The following LDB2 variants were observed in gnomAD, a reference collection of about 807,000 sequenced individuals.
LDB2 encodes LIM domain binding 2.
A neutral mutation model predicts 44.3 loss-of-function variants in LDB2; 12 were observed. The observed-to-expected ratio is 0.27, with a 90% CI of 0.17 to 0.44. LDB2 has a LOEUF of 0.44. Ranked by LOEUF, LDB2 falls within the 20% of genes least tolerant of loss-of-function variation. The pLI is 1.00. For missense variants in LDB2, 344 were observed against 473.5 expected, an observed-to-expected ratio of 0.73 and a Z score of 2.54; for synonymous variants, 164 against 174.8, an observed-to-expected ratio of 0.94 and a Z score of 0.49.
intron 2 of LDB2, among the ~76,000 whole-genome samples, chr4:16,668,864 C>T (rs1744009121): frequency 6.6e-6 from 1 of 152,184 alleles, no homozygotes. Flanking sequence ...AAGGGTGACT[C>T]CCCCAGTGCT....
chr4:16,660,034 T>A (rs934755082), intron 2 of LDB2, among the ~76,000 whole-genome samples: 1 of 152,154 alleles, frequency 6.6e-6, no homozygotes, highest in African/African-American at 2.4e-5. Context: ...TAGCAATGTC[T>A]GGAGACATTT....
At chr4:16,768,019 C>T (rs527938300) in intron 1 of LDB2, among the ~76,000 whole-genome samples, 2 of 152,270 alleles carry the variant, frequency 1.3e-5, no homozygotes, top group South Asian at 4.2e-4. Context: ...GCCAGGGCTG[C>T]CCCTCGGCAT....
At chr4:16,541,800 T>C (rs1393141666) in intron 5 of LDB2, among the ~76,000 whole-genome samples, 3 of 152,180 alleles carry the variant, frequency 2.0e-5, no homozygotes, top group Non-Finnish European at 4.4e-5. Flanking sequence ...TTGGCTACCA[T>C]GCATGACAGC....
At position 16,588,744 on chromosome 4, in the gene LDB2, C is replaced by A. The variant is rs142034467; in HGVS notation, c.497G>T (p.Arg166Leu). The A allele has an allele frequency of 1.2e-6, 2 of 1,613,682 alleles. No homozygotes were observed. The highest frequency in any genetic ancestry group is 1.3e-5 in the African/African-American group (1 of 75,022). Residue 166 changes from arginine to leucine, a missense_variant, in exon 4 of 8, where the codon CGA becomes CTA. Physicochemically the swap from Arg to Leu is moderately radical, Grantham distance 102 (BLOSUM62 -2). This residue lies in a region of LDB2 where 226 missense variants were observed against 270.1 expected (regional missense o/e 0.84). Transcript: ENST00000304523. ...KTWHFTIRQYRELVPRSILAM... is the reference protein window; with the variant it reads ...KTWHFTIRQYLELVPRSILAM... ...TAGGATGCTTCTCGGGACTAACTCT[C>A]GGTATTGTCTAATGGTAAAGTGCCA...
At chr4:16,800,797 C>A (rs563263683) in intron 1 of LDB2, among the ~76,000 whole-genome samples, 86 of 152,350 alleles carry the variant, frequency 5.6e-4, no homozygotes, top group African/African-American at 1.9e-3. Context: ...GCCTCAGCCT[C>A]CCAAGTAGCT....
rs902785706 is a variant in LDB2, at chr4:16,533,436, C to G, written c.616-21332G>C. Among the ~76,000 whole-genome samples the G allele has an allele frequency of 1.3e-5, 2 of 152,206 alleles. No homozygotes were observed. The highest frequency in any genetic ancestry group is 4.8e-5 in the African/African-American group (2 of 41,456). ...ATCTACACATACAAGAAATCGCAAA[C>G]TTCAGAGCCCTGGTTGCTGAGTTCC... is the stretch of plus-strand genomic sequence containing the variant. On this transcript the variant is annotated intron_variant, in intron 5 of 7. Coordinates refer to ENST00000304523, the MANE Select transcript of LDB2 (RefSeq NM_001290.5). This position sits in a 1 kb window ranked among gnomAD's most constrained non-coding sequence, Gnocchi z 4.1.
At chr4:16,791,115 T>C (rs894093183) in intron 1 of LDB2, among the ~76,000 whole-genome samples, 1 of 152,238 alleles carries the variant, frequency 6.6e-6, no homozygotes, top group African/African-American at 2.4e-5. Context: ...CTCACACTCC[T>C]GCAACAGCTA....
At chr4:16,554,563 G>T (rs1738843409) in intron 5 of LDB2, among the ~76,000 whole-genome samples, 1 of 152,028 alleles carries the variant, frequency 6.6e-6, no homozygotes, top group South Asian at 2.1e-4. Context: ...ATGCACTGAT[G>T]CATTCAAAAA....
intron 5 of LDB2, among the ~76,000 whole-genome samples, chr4:16,521,137 T>C (rs1271468723): frequency 6.6e-6 from 1 of 152,172 alleles, no homozygotes; most frequent in East Asian, 1.9e-4. Flanking sequence ...GTTCATTTCT[T>C]AGGACTGCCA....
At chr4:16,583,351 G>T (rs75438410) in intron 5 of LDB2, among the ~76,000 whole-genome samples, 1,974 of 152,206 alleles carry the variant, frequency 0.013, 15 homozygotes, top group Non-Finnish European at 0.02. Flanking sequence ...TGCATAGAAG[G>T]CTTTGGATTC....
intron 2 of LDB2, among the ~76,000 whole-genome samples, chr4:16,628,348 G>C (rs1730875606): frequency 6.6e-6 from 1 of 152,124 alleles, no homozygotes; most frequent in African/African-American, 2.4e-5. Context: ...CAAAACCCAA[G>C]ATGTTGCCAT....
At position 16,763,153 on chromosome 4, in the gene LDB2, T is replaced by C. The variant is rs13113661; in HGVS notation, c.133-3893A>G. Reference sequence around the variant, plus strand: ...TTTGGTCACAAATCTTGAAAGAACATCCTCGAAATAAAAATGTAACCTTTA... The same window carrying C: ...TTTGGTCACAAATCTTGAAAGAACACCCTCGAAATAAAAATGTAACCTTTA... On this transcript the variant is annotated intron_variant, in intron 1 of 7. Coordinates refer to ENST00000304523, the MANE Select transcript of LDB2 (RefSeq NM_001290.5). Among the ~76,000 whole-genome samples, 192 of 145,066 alleles carry C rather than the reference T, an allele frequency of 1.3e-3. 1 individual carries two copies. Among genetic ancestry groups the C allele is most frequent in the African/African-American group, 4.7e-3 (185 of 39,252 alleles).
At chr4:16,844,993 G>A (rs569925130) in intron 1 of LDB2, among the ~76,000 whole-genome samples, 103 of 152,270 alleles carry the variant, frequency 6.8e-4, no homozygotes, top group Admixed American at 2.7e-3. Context: ...CAGATGCAGC[G>A]GAATCTACTG....
At chr4:16,881,189 G>T (rs1012955909) in intron 1 of LDB2, among the ~76,000 whole-genome samples, 3 of 152,204 alleles carry the variant, frequency 2.0e-5, no homozygotes, top group African/African-American at 7.2e-5. Context: ...TGTCTGGAGA[G>T]GCAGCGGAGC....
intron 1 of LDB2, among the ~76,000 whole-genome samples, chr4:16,841,309 G>A (rs1335508442): frequency 1.3e-5 from 2 of 152,096 alleles, no homozygotes; most frequent in Non-Finnish European, 2.9e-5. Flanking sequence ...AAATGTGAGT[G>A]GATTCACAAT....
At chr4:16,610,318 C>T (rs917569523) in intron 2 of LDB2, among the ~76,000 whole-genome samples, 8 of 152,174 alleles carry the variant, frequency 5.3e-5, no homozygotes, top group South Asian at 2.1e-4. Context: ...TCCAAATGAT[C>T]GCAACATCTC....
intron 1 of LDB2, among the ~76,000 whole-genome samples, chr4:16,856,716 T>C (rs16894089): frequency 0.34 from 51,901 of 152,030 alleles, 10,254 homozygotes; most frequent in African/African-American, 0.55. Context: ...TTTAATAGAC[T>C]TTGGGCACCG....
At chr4:16,796,374 C>T (rs1776752628) in intron 1 of LDB2, among the ~76,000 whole-genome samples, 2 of 152,168 alleles carry the variant, frequency 1.3e-5, no homozygotes, top group African/African-American at 4.8e-5. Flanking sequence ...AAAGCAACAA[C>T]ACCTCAGTAG....
intron 1 of LDB2, among the ~76,000 whole-genome samples, chr4:16,782,378 T>G (rs1773463898): frequency 6.8e-6 from 1 of 146,506 alleles, no homozygotes; most frequent in Non-Finnish European, 1.5e-5. Context: ...TGAGACGGAG[T>G]CTTGCTCTGT....
Sources: gnomAD v4.1 joint callset for allele counts (sites outside exome capture counted in the v4.1 genomes callset) on GRCh38, gnomAD v4.1.1 for gene constraint, gnomAD v4.1.1 regional missense constraint, Gnocchi (gnomAD v3.1) non-coding constraint, MANE v1.5 for transcripts, NCBI Gene and HGNC (gene_info 2026-07-23, HGNC 2026-07-21) for gene names.